The following CDC73 variants were observed in gnomAD, a reference collection of about 807,000 sequenced individuals.
CDC73 encodes parafibromin.
A neutral mutation model predicts 83.7 loss-of-function variants in CDC73; 21 were observed. The ratio of observed to expected loss-of-function variants is 0.25; its 90% CI spans 0.18 to 0.36. The LOEUF (loss-of-function observed/expected upper bound fraction) is 0.36. Among genes scored for constraint, CDC73 ranks in the 10% least tolerant of loss-of-function variants. The pLI, the probability that CDC73 is intolerant of heterozygous loss-of-function variation, is 1.00. For missense variants in CDC73, 342 were observed against 653.3 expected, an observed-to-expected ratio of 0.52 and a Z score of 5.19; for synonymous variants, 224 against 212.9, an observed-to-expected ratio of 1.05 and a Z score of -0.45.
At chr1:193,147,826 A>G (rs1356473961) in intron 7 of CDC73, 41 bp from the exon 8 acceptor site, 11 of 1,051,678 alleles carry the variant, frequency 1.0e-5, no homozygotes, top group South Asian at 4.0e-5. Context: ...TTACTATTGT[A>G]TATTTAAAGT....
chr1:193,141,727 A>C (rs1003190895), intron 6 of CDC73, 123 bp from the exon 7 acceptor site: 2 of 694,648 alleles, frequency 2.9e-6, no homozygotes, highest in Non-Finnish European at 5.1e-6. Flanking sequence ...TCTTACAGAT[A>C]AGAAAACCTT....
chr1:193,139,061 A>G (rs1029996403), intron 6 of CDC73, among the ~76,000 whole-genome samples: 4 of 152,046 alleles, frequency 2.6e-5, no homozygotes, highest in African/African-American at 9.7e-5. Context: ...GGCGTGAGCC[A>G]CCGCGCCTGG....
At position 193,162,522 on chromosome 1, in the gene CDC73, A is replaced by G. The variant is rs1028846761; in HGVS notation, c.972+10078A>G. ...TGAGTAGCTGAGACTACAGGCGTGCACCACCACGGCCTGGCAATTTTTTGT... is the reference window on the plus strand; with the variant it reads ...TGAGTAGCTGAGACTACAGGCGTGCGCCACCACGGCCTGGCAATTTTTTGT... On this transcript the variant is annotated intron_variant, in intron 10 of 16. Coordinates refer to ENST00000367435, the MANE Select transcript of CDC73 (RefSeq NM_024529.5). 2.0e-4 allele frequency among the ~76,000 whole-genome samples: 30 copies of G among 151,224 alleles called. No individual in the cohort carries two copies. The Middle Eastern group carries it at 0.014, about 69-fold the overall frequency.
intron 11 of CDC73, among the ~76,000 whole-genome samples, chr1:193,205,195 TCCC>T (rs34118735): frequency 0.022 from 1,442 of 64,472 alleles, 49 homozygotes; most frequent in South Asian, 0.046. Context: ...ATACCACCTG[TCCC>T]CCCCCCCCCC....
At chr1:193,143,963 A>G (rs186146972) in intron 7 of CDC73, among the ~76,000 whole-genome samples, 1 of 152,024 alleles carries the variant, frequency 6.6e-6, no homozygotes, top group East Asian at 1.9e-4. Flanking sequence ...TACAAAAATT[A>G]GTGGGGCATG....
At chr1:193,221,605 T>A (rs1677471133) in intron 13 of CDC73, among the ~76,000 whole-genome samples, 1 of 152,212 alleles carries the variant, frequency 6.6e-6, no homozygotes, top group South Asian at 2.1e-4. Flanking sequence ...TTTGCAGTGT[T>A]CATCTGAATG....
At chr1:193,172,509 A>G (rs768995306) in intron 10 of CDC73, among the ~76,000 whole-genome samples, 3 of 152,106 alleles carry the variant, frequency 2.0e-5, no homozygotes, top group Non-Finnish European at 4.4e-5. Context: ...TTCCTACCTT[A>G]AATATGCTAA....
chr1:193,124,187 A>G (rs1675521411), intron 1 of CDC73, among the ~76,000 whole-genome samples: 1 of 152,248 alleles, frequency 6.6e-6, no homozygotes, highest in African/African-American at 2.4e-5. Context: ...CACACCAAGA[A>G]ATTGTTTTTA....
intron 10 of CDC73, among the ~76,000 whole-genome samples, chr1:193,165,678 T>C (rs1676423626): frequency 6.6e-6 from 1 of 152,258 alleles, no homozygotes; most frequent in African/African-American, 2.4e-5. Flanking sequence ...TTTTCAGTAA[T>C]AGAAGAAAAT....
chr1:193,246,873 T>C (rs912645991), intron 15 of CDC73, among the ~76,000 whole-genome samples: 14 of 152,302 alleles, frequency 9.2e-5, no homozygotes, highest in African/African-American at 3.4e-4. Context: ...CCCTACATTA[T>C]TTTGCACGAT....
intron 15 of CDC73, among the ~76,000 whole-genome samples, chr1:193,244,741 A>G (rs1054749033): frequency 5.3e-5 from 8 of 152,140 alleles, no homozygotes; most frequent in Non-Finnish European, 1.0e-4. Flanking sequence ...ACCTGCTTCT[A>G]GATAATCTTG....
At chr1:193,191,039 G>A (rs1346185221) in intron 10 of CDC73, among the ~76,000 whole-genome samples, 1 of 152,190 alleles carries the variant, frequency 6.6e-6, no homozygotes, top group East Asian at 1.9e-4. Flanking sequence ...TTGGCTATCT[G>A]TGTAGGTGAA....
chr1:193,164,615 A>G (rs1371393258), intron 10 of CDC73, among the ~76,000 whole-genome samples: 8 of 152,100 alleles, frequency 5.3e-5, no homozygotes, highest in Non-Finnish European at 1.5e-5. Context: ...GTTTAGTGGT[A>G]TTAAAGTAGT....
chr1:193,213,612 G>A (rs893265952), intron 13 of CDC73, among the ~76,000 whole-genome samples: 7 of 152,106 alleles, frequency 4.6e-5, no homozygotes, highest in South Asian at 2.1e-4. Flanking sequence ...TAATATTTTC[G>A]TAGTGTTTGT....
At chr1:193,154,151 C>T (rs553155866) in intron 10 of CDC73, among the ~76,000 whole-genome samples, 5 of 152,272 alleles carry the variant, frequency 3.3e-5, no homozygotes, top group South Asian at 4.1e-4. Flanking sequence ...TCCCTAAGTG[C>T]GACAGAACTT....
rs544986367 is a variant in CDC73 at position 193,253,344 on chromosome 1, A to C, written c.*2632A>C. ...TCACTGGTTTAATTTGTTATTGAAAACAGTACCAGTATTAAATGTGTTTCC... is the reference window on the plus strand; with the variant it reads ...TCACTGGTTTAATTTGTTATTGAAACCAGTACCAGTATTAAATGTGTTTCC... On this transcript the variant is annotated 3_prime_UTR_variant, in exon 17 of 17. Transcript: ENST00000367435. 1 of 232,290 alleles carries C rather than the reference A, an allele frequency of 4.3e-6. No individual in the cohort carries two copies. The highest frequency in any genetic ancestry group is 2.2e-5 in the African/African-American group (1 of 45,290). The allele number at this position is 232,290 out of a possible 1,614,324, so 14.4% of individuals were successfully genotyped here. A position where few individuals can be genotyped will look rare whatever the true frequency, so the allele number is the denominator to read the frequency against.
chr1:193,163,582 A>AG (rs1676379854), intron 10 of CDC73, among the ~76,000 whole-genome samples: 2 of 151,948 alleles, frequency 1.3e-5, no homozygotes, highest in African/African-American at 4.8e-5. Flanking sequence ...ATTGGAAAAT[A>AG]TTTTTCTTTA....
intron 10 of CDC73, among the ~76,000 whole-genome samples, chr1:193,202,729 C>G (rs1045142415): frequency 2.6e-5 from 4 of 151,058 alleles, no homozygotes; most frequent in African/African-American, 9.7e-5. Flanking sequence ...CTAGGAATAC[C>G]ACTGTATTGA....
intron 13 of CDC73, among the ~76,000 whole-genome samples, chr1:193,228,873 A>T (rs974838951): frequency 6.6e-6 from 1 of 152,174 alleles, no homozygotes; most frequent in African/African-American, 2.4e-5. Flanking sequence ...AAATCTTTTC[A>T]TTGCACATTT....
Sources: allele counts gnomAD v4.1 joint callset (sites outside exome capture counted in the v4.1 genomes callset), GRCh38; gene constraint gnomAD v4.1.1; transcripts MANE v1.5; gene names NCBI Gene and HGNC (gene_info 2026-07-23, HGNC 2026-07-21).